The following TMEM108 variants were observed in gnomAD, a reference collection of about 807,000 sequenced individuals.
The protein encoded by TMEM108 is transmembrane protein 108, also known as cancer/testis antigen 124.
TMEM108 carries 12 observed loss-of-function variants against 35.1 expected under a neutral mutation model. The ratio of observed to expected loss-of-function variants is 0.34; its 90% CI spans 0.22 to 0.55. The LOEUF is 0.55. TMEM108 is among the 20% of genes least tolerant of loss of function. TMEM108 has a pLI of 0.89. For synonymous variants in TMEM108, 287 were observed against 308.6 expected, an observed-to-expected ratio of 0.93 and a Z score of 0.73; for missense variants, 680 against 753.3, an observed-to-expected ratio of 0.90 and a Z score of 1.14.
chr3:133,125,381 A>G (rs1285471532), intron 2 of TMEM108, among the ~76,000 whole-genome samples: 1 of 152,256 alleles, frequency 6.6e-6, no homozygotes, highest in Admixed American at 6.5e-5. Flanking sequence ...GGCAGCTTCC[A>G]GAATGACAGC....
At chr3:133,146,801 A>T (rs1417157568) in intron 2 of TMEM108, among the ~76,000 whole-genome samples, 1 of 152,078 alleles carries the variant, frequency 6.6e-6, no homozygotes, top group Non-Finnish European at 1.5e-5. Flanking sequence ...CTGTGGGATC[A>T]GTGTTGATAT....
At position 133,205,643 on chromosome 3, in the gene TMEM108, T is replaced by G. The variant is rs570420725; in HGVS notation, c.-46-23623T>G. 3.4e-4 allele frequency among the ~76,000 whole-genome samples: 52 copies of G among 152,356 alleles called. No homozygotes were observed. In the South Asian group the frequency reaches 0.011, roughly 32 times the overall value. The stretch of plus-strand genomic sequence containing the variant: ...ATATTGATCCCCACTCTCTTCTGGC[T>G]TGTAGGGTTTCTGCTGAAAGATTGC... On this transcript the variant is annotated intron_variant, in intron 2 of 5. Coordinates refer to ENST00000321871, the MANE Select transcript of TMEM108 (RefSeq NM_023943.4).
Position 133,342,544 on chromosome 3 carries a change from G to GTATATATATATATATATATATATA in TMEM108, c.41-37196_41-37195insTATATATATATATATATATATATA, listed in dbSNP as rs1553764021. Among the ~76,000 whole-genome samples the GTATATATATATATATATATATATA allele has an allele frequency of 8.8e-3, 410 of 46,530 alleles. 50 individuals carry two copies. Among genetic ancestry groups the GTATATATATATATATATATATATA allele is most frequent in the African/African-American group, 0.035 (376 of 10,846 alleles). 30.5% of individuals were successfully genotyped at this position (46,530 alleles called of 152,430 possible). A position where few individuals can be genotyped will look rare whatever the true frequency, so the allele number is the denominator to read the frequency against. ...TAAAAAAGTTAAAAAAGAAAATGTG[G>GTATATATATATATATATATATATA]TATATATATATACACACACACACAC... On this transcript the variant is annotated intron_variant, in intron 3 of 5. Transcript: ENST00000321871.
At chr3:133,129,733 A>T (rs1224679153) in intron 2 of TMEM108, among the ~76,000 whole-genome samples, 1 of 152,110 alleles carries the variant, frequency 6.6e-6, no homozygotes, top group African/African-American at 2.4e-5. Context: ...GGCTCATTTA[A>T]TTCTGTAACC....
At chr3:133,129,499 G>A (rs1944461943) in intron 2 of TMEM108, among the ~76,000 whole-genome samples, 2 of 152,110 alleles carry the variant, frequency 1.3e-5, no homozygotes, top group African/African-American at 4.8e-5. Context: ...TAAACCCAGA[G>A]TAGCTGCTCT....
intron 2 of TMEM108, among the ~76,000 whole-genome samples, chr3:133,212,826 C>A (rs1052893256): frequency 7.0e-6 from 1 of 143,174 alleles, no homozygotes; most frequent in East Asian, 2.1e-4. Context: ...GAAATTGCAC[C>A]ACTGCACTCC....
intron 2 of TMEM108, among the ~76,000 whole-genome samples, chr3:133,196,356 G>A (rs546761264): frequency 9.2e-5 from 14 of 152,160 alleles, no homozygotes; most frequent in Non-Finnish European, 1.6e-4. Flanking sequence ...GAGCCTACCA[G>A]TGGTATACAA....
intron 3 of TMEM108, among the ~76,000 whole-genome samples, chr3:133,277,441 AATAAAAG>A (rs1256404947): frequency 2.6e-5 from 4 of 152,220 alleles, no homozygotes; most frequent in South Asian, 4.1e-4. Flanking sequence ...AAACTGTTTA[AATAAAAG>A]ATAAAAGAAT....
chr3:133,356,015 G>A (rs567940906), intron 3 of TMEM108, among the ~76,000 whole-genome samples: 15 of 152,096 alleles, frequency 9.9e-5, no homozygotes, highest in African/African-American at 3.6e-4. Context: ...ATCCAAATTG[G>A]AAAACAGGAA....
intron 5 of TMEM108, among the ~76,000 whole-genome samples, chr3:133,390,790 G>A (rs531245936): frequency 1.3e-5 from 2 of 152,172 alleles, no homozygotes; most frequent in Non-Finnish European, 2.9e-5. Flanking sequence ...AACCCAAGGA[G>A]GAAAGCCTTC....
At chr3:133,226,052 C>A (rs1301844839) in intron 2 of TMEM108, among the ~76,000 whole-genome samples, 1 of 152,152 alleles carries the variant, frequency 6.6e-6, no homozygotes, top group Non-Finnish European at 1.5e-5. Flanking sequence ...AAAGGTGAGA[C>A]AACTCAAAGC....
chr3:133,372,297 T>G (rs77115046), intron 3 of TMEM108, among the ~76,000 whole-genome samples: 10,209 of 152,206 alleles, frequency 0.067, 477 homozygotes, highest in African/African-American at 0.13. Context: ...AAACCTGGGT[T>G]TAAATCCTGG....
intron 2 of TMEM108, among the ~76,000 whole-genome samples, chr3:133,054,589 C>T (rs1051257133): frequency 6.6e-6 from 1 of 152,212 alleles, no homozygotes; most frequent in Non-Finnish European, 1.5e-5. Flanking sequence ...TGGATTACTA[C>T]CTCACATAGT....
At chr3:133,160,440 C>T (rs754145643) in intron 2 of TMEM108, among the ~76,000 whole-genome samples, 3 of 152,162 alleles carry the variant, frequency 2.0e-5, no homozygotes, top group Non-Finnish European at 4.4e-5. Flanking sequence ...GCCTAAGTTC[C>T]ACGCTGTGTT....
chr3:133,311,919 G>A (rs1388176832), intron 3 of TMEM108, among the ~76,000 whole-genome samples: 3 of 152,322 alleles, frequency 2.0e-5, no homozygotes, highest in African/African-American at 7.2e-5. Flanking sequence ...TTTTGTTGAT[G>A]TTGGTGCTAT....
At chr3:133,174,378 C>T (rs749628058) in intron 2 of TMEM108, among the ~76,000 whole-genome samples, 1 of 152,222 alleles carries the variant, frequency 6.6e-6, no homozygotes, top group Non-Finnish European at 1.5e-5. Context: ...CAGACTGCCT[C>T]CTCAAGTGGG....
intron 2 of TMEM108, among the ~76,000 whole-genome samples, chr3:133,163,548 C>T (rs1944991960): frequency 6.6e-6 from 1 of 152,138 alleles, no homozygotes; most frequent in Admixed American, 6.5e-5. Context: ...GAGAGATGCT[C>T]TTGTTTGCCC....
intron 3 of TMEM108, among the ~76,000 whole-genome samples, chr3:133,289,505 C>T (rs370659451): frequency 6.6e-6 from 1 of 152,162 alleles, no homozygotes. Flanking sequence ...CATTAGATCT[C>T]ACTACCTTCC....
chr3:133,160,154 G>T (rs1251420227), intron 2 of TMEM108, among the ~76,000 whole-genome samples: 1 of 152,240 alleles, frequency 6.6e-6, no homozygotes, highest in Non-Finnish European at 1.5e-5. Context: ...AGGTAGGCAG[G>T]CTTCCTTTAG....
Sources: allele counts gnomAD v4.1 joint callset (sites outside exome capture counted in the v4.1 genomes callset), GRCh38; gene constraint gnomAD v4.1.1; transcripts MANE v1.5; gene names NCBI Gene and HGNC (gene_info 2026-07-23, HGNC 2026-07-21).